PARVG: variants seen among roughly 807,000 people sequenced by gnomAD.
PARVG encodes gamma-parvin.
In PARVG, 36 loss-of-function variants were observed where a neutral mutation model predicts 44.4. That is an observed-to-expected ratio of 0.81 (90% CI 0.62 to 1.07). The LOEUF (loss-of-function observed/expected upper bound fraction) is 1.07, where lower values mean the gene tolerates loss of function less well. Ranked by LOEUF, PARVG falls within the 50% of genes least tolerant of loss-of-function variation. The pLI is 0.00. For missense variants in PARVG, 407 were observed against 407.4 expected (o/e 1.00, Z 0.01); for synonymous variants, 170 against 174.1 (o/e 0.98, Z 0.19).
intron 12 of PARVG, among the ~76,000 whole-genome samples, chr22:44,200,807 C>T (rs1483442243): frequency 6.6e-6 from 1 of 152,122 alleles, no homozygotes; most frequent in Non-Finnish European, 1.5e-5. Flanking sequence ...CTATCTGGGG[C>T]CCAGTAGCAG....
At chr22:44,203,324 TG>T (rs60003093) in intron 12 of PARVG, among the ~76,000 whole-genome samples, 6 of 152,208 alleles carry the variant, frequency 3.9e-5, no homozygotes, top group African/African-American at 1.2e-4. Context: ...CTGTGACAAA[TG>T]GGTTCTATGA....
At position 44,182,985 on chromosome 22, in the gene PARVG, G is replaced by A; in HGVS notation, c.-12-333G>A. On this transcript the variant is annotated intron_variant, in intron 2 of 13. Transcript: ENST00000444313. The surrounding 1 kb of genome is among the most constrained non-coding windows in gnomAD (Gnocchi z 4.6). ...ACTTTGTCCTGTCTGGGATAGGGTG[G>A]GGGGTCCCTGGGTAGGGGGCTGGGG... 3.0e-6 allele frequency: 1 copy of A among 336,786 alleles called. No homozygotes were observed. The allele number at this position is 336,786 out of a possible 1,614,324, so 20.9% of individuals were successfully genotyped here.
intron 9 of PARVG, 150 bp downstream of exon 9, chr22:44,193,973 CTCTTTCTG>C: frequency 4.9e-6 from 5 of 1,024,750 alleles, no homozygotes; most frequent in Non-Finnish European, 7.2e-6. Flanking sequence ...TCATTTGTCC[CTCTTTCTG>C]TCTGTCCATC....
upstream of PARVG, among the ~76,000 whole-genome samples, chr22:44,177,034 T>TTA (rs1187248182): frequency 6.6e-6 from 1 of 152,112 alleles, no homozygotes; most frequent in East Asian, 1.9e-4. Context: ...CACGTGGGGA[T>TTA]TATGGGAGCT....
At chr22:44,173,065 A>G in exon 1 of PARVG, 2 of 1,289,686 alleles carry the variant, frequency 1.6e-6, no homozygotes, top group Non-Finnish European at 2.0e-6. Context: ...GCTTCCCGGG[A>G]CCTTCCAATT....
chr22:44,187,958 C>G (rs2054497677), intron 5 of PARVG, 80 bp downstream of exon 5: 6 of 1,408,316 alleles, frequency 4.3e-6, no homozygotes, highest in Non-Finnish European at 5.0e-6. Flanking sequence ...CAGGTAGGCT[C>G]TCTCCTTCAG....
intron 9 of PARVG, among the ~76,000 whole-genome samples, chr22:44,194,689 T>TCCAC (rs771915536): frequency 2.6e-5 from 4 of 151,208 alleles, no homozygotes; most frequent in Non-Finnish European, 4.4e-5. Flanking sequence ...CATCCATCCA[T>TCCAC]CCACCCACCC....
chr22:44,180,068 A>G (rs567006514), upstream of PARVG, among the ~76,000 whole-genome samples: 3 of 152,260 alleles, frequency 2.0e-5, no homozygotes, highest in East Asian at 5.8e-4. Flanking sequence ...GGATGTGGGC[A>G]GGGGAGGCCC....
chr22:44,204,154 T>C (rs909085817), intron 12 of PARVG, among the ~76,000 whole-genome samples: 4 of 152,182 alleles, frequency 2.6e-5, no homozygotes, highest in Non-Finnish European at 2.9e-5. Flanking sequence ...CTGTTTCTTC[T>C]TGTTGGCTGA....
At chr22:44,196,014 T>C (rs2054612015) in intron 9 of PARVG, 141 bp from the exon 10 acceptor site, 8 of 869,046 alleles carry the variant, frequency 9.2e-6, no homozygotes, top group Non-Finnish European at 1.4e-5. Flanking sequence ...TCCAGGTCTG[T>C]TTTATTTGAG....
At chr22:44,174,983 G>A (rs146147520) in intron 1 of PARVG, among the ~76,000 whole-genome samples, 2,227 of 151,082 alleles carry the variant, frequency 0.015, 34 homozygotes, top group Non-Finnish European at 0.024. Context: ...TTAGCTGGGC[G>A]TGGTGCCAGG....
intron 12 of PARVG, among the ~76,000 whole-genome samples, chr22:44,200,467 G>A (rs1351446024): frequency 6.6e-6 from 1 of 152,196 alleles, no homozygotes; most frequent in Non-Finnish European, 1.5e-5. Flanking sequence ...AGGGACATGT[G>A]GTCCCTAGTA....
intron 12 of PARVG, among the ~76,000 whole-genome samples, chr22:44,203,199 AG>A (rs2054732662): frequency 1.3e-5 from 2 of 152,316 alleles, no homozygotes; most frequent in East Asian, 3.9e-4. Context: ...TGAGGGCAGG[AG>A]GTCTGGTCTG....
rs1297487149 is a variant in PARVG at position 44,201,883 on chromosome 22, A to G, written c.813+3161A>G. ...GCCCGGGCACGCTTTCCTCCTGGCA[A>G]TGGCAGACACATGAGAGACCAGGCA... On this transcript the variant is annotated intron_variant, in intron 12 of 13. Transcript: ENST00000444313. 3.3e-5 allele frequency among the ~76,000 whole-genome samples: 5 copies of G among 152,306 alleles called. No individual in the cohort carries two copies. In the East Asian group the frequency reaches 5.8e-4, roughly 18 times the overall value.
chr22:44,176,427 C>A (rs182581878), upstream of PARVG, among the ~76,000 whole-genome samples: 3 of 152,014 alleles, frequency 2.0e-5, no homozygotes, highest in Admixed American at 2.0e-4. Context: ...ATTTTTAATT[C>A]GTGGTTGGTT....
chr22:44,176,642 G>A (rs929028621), upstream of PARVG, among the ~76,000 whole-genome samples: 6 of 93,216 alleles, frequency 6.4e-5, no homozygotes, highest in African/African-American at 3.3e-4. Flanking sequence ...TGAGAGCAAA[G>A]GCTTTTTTTT....
chr22:44,182,961 C>A lies in PARVG; in HGVS notation c.-12-357C>A. ...AGCTCTGAGGAGTGAGCTGTACCTACTTTGTCCTGTCTGGGATAGGGTGGG... is the reference window on the plus strand; with the variant it reads ...AGCTCTGAGGAGTGAGCTGTACCTAATTTGTCCTGTCTGGGATAGGGTGGG... On this transcript the variant is annotated intron_variant, in intron 2 of 13. Coordinates refer to ENST00000444313, the MANE Select transcript of PARVG (RefSeq NM_022141.7). This position sits in a 1 kb window ranked among gnomAD's most constrained non-coding sequence, Gnocchi z 4.6. 1 of 271,914 alleles carries A rather than the reference C, an allele frequency of 3.7e-6. No homozygotes were observed. The highest frequency in any genetic ancestry group is 7.0e-6 in the Non-Finnish European group (1 of 143,280). 16.8% of individuals were successfully genotyped at this position (271,914 alleles called of 1,614,324 possible).
At position 44,182,028 on chromosome 22, in the gene PARVG, G is replaced by T; in HGVS notation, c.-13+111G>T. 1 of 872,880 alleles carries T rather than the reference G, an allele frequency of 1.1e-6. No homozygotes were observed. The highest frequency in any genetic ancestry group is 1.4e-6 in the Non-Finnish European group (1 of 727,260). The allele number at this position is 872,880 out of a possible 1,614,324, so 54.1% of individuals were successfully genotyped here. On this transcript the variant is annotated intron_variant, in intron 2 of 13. Coordinates refer to ENST00000444313, the MANE Select transcript of PARVG (RefSeq NM_022141.7). The surrounding 1 kb of genome is among the most constrained non-coding windows in gnomAD (Gnocchi z 4.6). ...AGTGCAGTCCCAGCCCAGGCCACCC[G>T]GGGAAGGGAGTCGGTAAAGTGGGAC... is the stretch of plus-strand genomic sequence containing the variant.
chr22:44,196,185 C>A lies in PARVG; in HGVS notation c.614C>A (p.Ala205Asp), dbSNP rs765623404. ...KDVFDELFKL[A>D]PEKVNAVKEA... Reference sequence around the variant, plus strand: ...GTCTTTGATGAATTATTTAAGCTGGCTCCGGAGAAAGTGAACGCAGTGAAA... The same window carrying A: ...GTCTTTGATGAATTATTTAAGCTGGATCCGGAGAAAGTGAACGCAGTGAAA... Residue 205 changes from alanine (A) to aspartate (D), a missense_variant, in exon 10 of 14, where the codon GCT becomes GAT. By Grantham distance (126) the Ala-to-Asp change is moderately radical. Transcript: ENST00000444313. 6.2e-7 allele frequency: 1 copy of A among 1,614,170 alleles called. No individual in the cohort carries two copies. The highest frequency in any genetic ancestry group is 8.5e-7 in the Non-Finnish European group (1 of 1,180,018).
Sources: allele counts gnomAD v4.1 joint callset (sites outside exome capture counted in the v4.1 genomes callset), GRCh38; gene constraint gnomAD v4.1.1; non-coding constraint Gnocchi (gnomAD v3.1); transcripts MANE v1.5; gene names NCBI Gene and HGNC (gene_info 2026-07-23, HGNC 2026-07-21).